RIMS2: variants seen among roughly 807,000 people sequenced by gnomAD.
The protein encoded by RIMS2 is regulating synaptic membrane exocytosis 2.
RIMS2 carries 59 observed loss-of-function variants against 174.4 expected under a neutral mutation model. The observed-to-expected ratio is 0.34, with a 90% CI of 0.27 to 0.42. The LOEUF is 0.42. RIMS2 is among the 10% of genes least tolerant of loss of function. The pLI is 1.00. For synonymous variants in RIMS2, 606 were observed against 572.5 expected, an observed-to-expected ratio of 1.06 and a Z score of -0.84; for missense variants, 1,620 against 1,666.3, an observed-to-expected ratio of 0.97 and a Z score of 0.48.
At chr8:103,916,275 A>G (rs1405741095) in intron 7 of RIMS2, 139 bp from the exon 11 acceptor site, 3 of 507,634 alleles carry the variant, frequency 5.9e-6, no homozygotes, top group Non-Finnish European at 1.0e-5. Context: ...TGTCACTGGA[A>G]CTGTTGTTCT....
chr8:104,218,239 A>G (rs1041663062), intron 19 of RIMS2, among the ~76,000 whole-genome samples: 20 of 152,218 alleles, frequency 1.3e-4, no homozygotes, highest in Admixed American at 9.2e-4. Flanking sequence ...ATAGTGATGG[A>G]AGTAGGCATT....
chr8:103,925,673 C>T (rs1002228213), intron 10 of RIMS2, among the ~76,000 whole-genome samples: 5 of 151,554 alleles, frequency 3.3e-5, no homozygotes, highest in African/African-American at 1.2e-4. Context: ...TTACAAATTA[C>T]AGTGAGACAC....
chr8:103,527,777 A>G (rs557515665), intron 1 of RIMS2, among the ~76,000 whole-genome samples: 1 of 152,204 alleles, frequency 6.6e-6, no homozygotes, highest in African/African-American at 2.4e-5. Context: ...CATTTTCTCA[A>G]TCCAGTCTAT....
At chr8:103,819,665 G>A in intron 3 of RIMS2, 1 of 1,502,010 alleles carries the variant, frequency 6.7e-7, no homozygotes. Flanking sequence ...TTTTAATATT[G>A]TTATTTTCAG....
chr8:103,681,487 G>A (rs2096879766), intron 1 of RIMS2, among the ~76,000 whole-genome samples: 1 of 151,884 alleles, frequency 6.6e-6, no homozygotes, highest in African/African-American at 2.4e-5. Context: ...GTGCTACCAA[G>A]GGTATGATCA....
chr8:104,245,133 T>C, intron 20 of RIMS2, 76 bp downstream of exon 26: 1 of 1,452,926 alleles, frequency 6.9e-7, no homozygotes, highest in Non-Finnish European at 9.5e-7. Context: ...ACAGAGATTT[T>C]CCAACTCTCA....
chr8:103,558,633 T>C (rs1363202147), intron 1 of RIMS2, among the ~76,000 whole-genome samples: 1 of 151,400 alleles, frequency 6.6e-6, no homozygotes, highest in Non-Finnish European at 1.5e-5. Flanking sequence ...ATAAGATAGT[T>C]TTTTTTTTGT....
At chr8:104,166,160 G>A (rs1205908483) in intron 19 of RIMS2, among the ~76,000 whole-genome samples, 2 of 146,928 alleles carry the variant, frequency 1.4e-5, no homozygotes, top group Non-Finnish European at 3.0e-5. Context: ...TCCGCCTCCC[G>A]GGTTCACGCC....
intron 4 of RIMS2, among the ~76,000 whole-genome samples, chr8:103,887,424 AT>A (rs959157348): frequency 7.9e-5 from 12 of 151,160 alleles, no homozygotes; most frequent in East Asian, 1.9e-4. Context: ...GTATTTGGTG[AT>A]TTTTTTCCAT....
intron 19 of RIMS2, among the ~76,000 whole-genome samples, chr8:104,059,027 GC>G (rs1358309514): frequency 7.9e-5 from 12 of 151,556 alleles, no homozygotes; most frequent in Non-Finnish European, 5.9e-5. Flanking sequence ...TGTTCTTTTG[GC>G]TTAGGATTGA....
intron 3 of RIMS2, among the ~76,000 whole-genome samples, chr8:103,861,332 A>G (rs371845495): frequency 2.0e-5 from 3 of 152,088 alleles, no homozygotes; most frequent in African/African-American, 7.2e-5. Flanking sequence ...TGGTTGTATA[A>G]TATTCCATGT....
At chr8:103,944,285 A>T (rs1363748732) in intron 14 of RIMS2, among the ~76,000 whole-genome samples, 4 of 152,086 alleles carry the variant, frequency 2.6e-5, no homozygotes, top group African/African-American at 9.7e-5. Context: ...ATTACAATGA[A>T]TTGTATGTAA....
chr8:104,121,642 G>A (rs28715857), intron 19 of RIMS2, among the ~76,000 whole-genome samples: 325 of 152,240 alleles, frequency 2.1e-3, no homozygotes, highest in Middle Eastern at 3.4e-3. Flanking sequence ...TATCTTTTGA[G>A]TGCCAGGCCC....
At chr8:104,100,839 A>T (rs918689534) in intron 19 of RIMS2, among the ~76,000 whole-genome samples, 5 of 140,780 alleles carry the variant, frequency 3.6e-5, no homozygotes, top group Admixed American at 7.6e-5. Flanking sequence ...AATATATAAT[A>T]TATATGTATT....
intron 1 of RIMS2, among the ~76,000 whole-genome samples, chr8:103,527,592 C>A (rs1216838697): frequency 6.6e-6 from 1 of 151,934 alleles, no homozygotes; most frequent in Non-Finnish European, 1.5e-5. Flanking sequence ...TTCCTGTGTC[C>A]AAGTGTTCTC....
chr8:104,172,950 A>G (rs1367731768), intron 19 of RIMS2, among the ~76,000 whole-genome samples: 1 of 152,194 alleles, frequency 6.6e-6, no homozygotes, highest in South Asian at 2.1e-4. Flanking sequence ...AATTACATGA[A>G]GATTGCCCAG....
chr8:103,694,557 T>C (rs2097074365), intron 1 of RIMS2, among the ~76,000 whole-genome samples: 1 of 152,096 alleles, frequency 6.6e-6, no homozygotes, highest in African/African-American at 2.4e-5. Flanking sequence ...GGAGGTTCCA[T>C]ATAGACCTTG....
At chr8:103,671,332 A>G (rs1187932279) in intron 1 of RIMS2, among the ~76,000 whole-genome samples, 1 of 152,178 alleles carries the variant, frequency 6.6e-6, no homozygotes, top group Admixed American at 6.5e-5. Flanking sequence ...TGCATCATGG[A>G]GTTCATTCGA....
intron 3 of RIMS2, among the ~76,000 whole-genome samples, chr8:103,862,829 G>T (rs1405318567): frequency 2.0e-5 from 3 of 152,110 alleles, no homozygotes; most frequent in Non-Finnish European, 4.4e-5. Context: ...TTTGCATCCT[G>T]AAACTTTACT....
Sources: gnomAD v4.1 joint callset for allele counts (sites outside exome capture counted in the v4.1 genomes callset) on GRCh38, gnomAD v4.1.1 for gene constraint, MANE v1.5 for transcripts, NCBI Gene and HGNC (gene_info 2026-07-23, HGNC 2026-07-21) for gene names.